COLEC12: variants seen among roughly 807,000 people sequenced by gnomAD.
COLEC12 encodes collectin-12.
COLEC12 carries 33 observed loss-of-function variants against 71.1 expected under a neutral mutation model. The observed-to-expected ratio is 0.46, with a 90% CI of 0.35 to 0.62. COLEC12 has a LOEUF of 0.62. Ranked by LOEUF, COLEC12 falls within the 20% of genes least tolerant of loss-of-function variation. COLEC12 has a pLI of 0.00. For missense variants in COLEC12, 765 were observed against 916.1 expected (o/e 0.84, Z 2.13); for synonymous variants, 350 against 353.0 (o/e 0.99, Z 0.10).
Position 453,742 on chromosome 18 carries a change from G to C in COLEC12, c.58+26965C>G, listed in dbSNP as rs146988686. Among the ~76,000 whole-genome samples, 75 of 152,300 alleles carry C rather than the reference G, an allele frequency of 4.9e-4. No individual in the cohort carries two copies. The East Asian group carries it at 0.012, about 25-fold the overall frequency. On this transcript the variant is annotated intron_variant, in intron 2 of 9. Coordinates refer to ENST00000400256, the MANE Select transcript of COLEC12 (RefSeq NM_130386.3). Reference sequence around the variant, plus strand: ...CTCATGCAATTACGCTCCACTGAATGTATAATAAGCATCGCAAACTTGACA... The same window carrying C: ...CTCATGCAATTACGCTCCACTGAATCTATAATAAGCATCGCAAACTTGACA...
intron 2 of COLEC12, among the ~76,000 whole-genome samples, chr18:470,847 T>TAGGTTGAAGGTTTGAG (rs1334142520): frequency 1.3e-5 from 2 of 152,352 alleles, no homozygotes; most frequent in East Asian, 3.9e-4. Flanking sequence ...ATACTGATCT[T>TAGGTTGAAGGTTTGAG]AGGTTGAAGG....
intron 2 of COLEC12, among the ~76,000 whole-genome samples, chr18:444,998 T>G (rs114422190): frequency 1.7e-3 from 266 of 152,336 alleles, no homozygotes; most frequent in African/African-American, 6.1e-3. Context: ...GTATTATTTT[T>G]AAACGAAGGT....
rs1334342683 is a variant in COLEC12, at chr18:399,691, CTGT to C, written c.59-42172_59-42170del. ...GAAGAACCCTACTTTGTGCTGTTAC[CTGT>C]TGTTAGTTCAACGGGGATGCGGAAT... On this transcript the variant is annotated intron_variant, in intron 2 of 9. Transcript: ENST00000400256. The surrounding 1 kb of genome is among the most constrained non-coding windows in gnomAD (Gnocchi z 4.0). Among the ~76,000 whole-genome samples, 2 of 152,182 alleles carry C rather than the reference CTGT, an allele frequency of 1.3e-5. No individual in the cohort carries two copies. The highest frequency in any genetic ancestry group is 2.9e-5 in the Non-Finnish European group (2 of 68,046).
chr18:360,010 C>T (rs1368051606), intron 2 of COLEC12, among the ~76,000 whole-genome samples: 1 of 152,170 alleles, frequency 6.6e-6, no homozygotes, highest in African/African-American at 2.4e-5. Flanking sequence ...TGGTGTTCAG[C>T]ACATCCCTCT....
In COLEC12 at chr18:327,229, A is replaced by G. The variant is rs535486910; in HGVS notation, c.2063+4439T>C. Among the ~76,000 whole-genome samples, 1 of 152,366 alleles carries G rather than the reference A, an allele frequency of 6.6e-6. No individual in the cohort carries two copies. The highest frequency in any genetic ancestry group is 1.9e-4 in the East Asian group (1 of 5,188). ...GATGGCCAGCCATCTCTTCTTGGAAATAATTATAGGTTTATTATTATTTTT... is the reference window on the plus strand; with the variant it reads ...GATGGCCAGCCATCTCTTCTTGGAAGTAATTATAGGTTTATTATTATTTTT... On this transcript the variant is annotated intron_variant, in intron 8 of 9. Coordinates refer to ENST00000400256, the MANE Select transcript of COLEC12 (RefSeq NM_130386.3). This position sits in a 1 kb window ranked among gnomAD's most constrained non-coding sequence, Gnocchi z 4.0.
intron 2 of COLEC12, among the ~76,000 whole-genome samples, chr18:460,041 A>T (rs571512719): frequency 7.0e-6 from 1 of 142,536 alleles, no homozygotes; most frequent in East Asian, 2.1e-4. Context: ...TCATCAGAGG[A>T]AAAAAAAGGA....
intron 2 of COLEC12, among the ~76,000 whole-genome samples, chr18:466,197 A>G (rs561398002): frequency 1.3e-5 from 2 of 152,266 alleles, no homozygotes; most frequent in Admixed American, 6.5e-5. Context: ...CTGAGATCGC[A>G]CCACTGCACT....
chr18:496,402 A>G (rs1323851669), intron 1 of COLEC12, among the ~76,000 whole-genome samples: 1 of 152,234 alleles, frequency 6.6e-6, no homozygotes, highest in African/African-American at 2.4e-5. Context: ...AAAAGTCAAA[A>G]GTATAATTAG....
At chr18:390,156 G>A (rs1222708750) in intron 2 of COLEC12, among the ~76,000 whole-genome samples, 1 of 152,144 alleles carries the variant, frequency 6.6e-6, no homozygotes, top group Non-Finnish European at 1.5e-5. Context: ...TTGCCCAGCA[G>A]GGGGCTAGGT....
chr18:433,343 T>C (rs1371113034), intron 2 of COLEC12, among the ~76,000 whole-genome samples: 1 of 152,162 alleles, frequency 6.6e-6, no homozygotes, highest in Non-Finnish European at 1.5e-5. Context: ...GCTTGGAAAG[T>C]TGTTACTTTA....
chr18:416,696 C>T (rs539883367), intron 2 of COLEC12, among the ~76,000 whole-genome samples: 2 of 152,198 alleles, frequency 1.3e-5, no homozygotes, highest in South Asian at 2.1e-4. Context: ...TCAGATCCTT[C>T]CCTTTGGGGG....
chr18:409,230 G>A (rs909321103), intron 2 of COLEC12, among the ~76,000 whole-genome samples: 1 of 152,176 alleles, frequency 6.6e-6, no homozygotes, highest in Non-Finnish European at 1.5e-5. Flanking sequence ...GCATGCAAAT[G>A]GTTTAGGCTG....
chr18:497,535 G>A (rs1324131257), intron 1 of COLEC12, among the ~76,000 whole-genome samples: 2 of 152,100 alleles, frequency 1.3e-5, no homozygotes, highest in Non-Finnish European at 2.9e-5. Flanking sequence ...TTCCCAAGTA[G>A]CTGGGACTAC....
At chr18:481,742 AC>A (rs893384919) in intron 1 of COLEC12, among the ~76,000 whole-genome samples, 2 of 152,072 alleles carry the variant, frequency 1.3e-5, no homozygotes, top group African/African-American at 4.8e-5. Flanking sequence ...TTATCACCCA[AC>A]CTTTCTACCA....
At chr18:488,084 T>A (rs1917552554) in intron 1 of COLEC12, among the ~76,000 whole-genome samples, 1 of 151,864 alleles carries the variant, frequency 6.6e-6, no homozygotes, top group Admixed American at 6.6e-5. Flanking sequence ...AAATAATATA[T>A]CTGGAAAACA....
intron 5 of COLEC12, among the ~76,000 whole-genome samples, chr18:342,390 T>C (rs1458467254): frequency 6.6e-6 from 1 of 152,278 alleles, no homozygotes; most frequent in Admixed American, 6.5e-5. Flanking sequence ...TCAGTCAGCT[T>C]CAGCTCCCAA....
At chr18:333,398 G>A (rs555107505) in intron 6 of COLEC12, 4 of 338,954 alleles carry the variant, frequency 1.2e-5, no homozygotes, top group African/African-American at 4.2e-5. Flanking sequence ...GTCTGGATCC[G>A]TCTTCACAAT....
chr18:431,771 T>C (rs1464677568), intron 2 of COLEC12, among the ~76,000 whole-genome samples: 1 of 152,088 alleles, frequency 6.6e-6, no homozygotes, highest in Admixed American at 6.5e-5. Flanking sequence ...CTTCAACACA[T>C]AGTATGTTGG....
intron 2 of COLEC12, among the ~76,000 whole-genome samples, chr18:368,725 G>C (rs1383203272): frequency 6.6e-6 from 1 of 152,050 alleles, no homozygotes; most frequent in Non-Finnish European, 1.5e-5. Context: ...AATTAGCCGG[G>C]CGTGGTGGCG....
Sources: gnomAD v4.1 joint callset for allele counts (sites outside exome capture counted in the v4.1 genomes callset) on GRCh38, gnomAD v4.1.1 for gene constraint, Gnocchi (gnomAD v3.1) non-coding constraint, MANE v1.5 for transcripts, NCBI Gene and HGNC (gene_info 2026-07-23, HGNC 2026-07-21) for gene names.